Variants in GFPT2 observed in about 807,000 individuals in gnomAD.
GFPT2 encodes the protein glutamine--fructose-6-phosphate transaminase 2.
A neutral mutation model predicts 85.6 loss-of-function variants in GFPT2; 62 were observed. The ratio of observed to expected loss-of-function variants is 0.72; its 90% CI spans 0.59 to 0.90. GFPT2 has a LOEUF of 0.90. Among genes scored for constraint, GFPT2 ranks in the 40% least tolerant of loss-of-function variants. The pLI, the probability that GFPT2 is intolerant of heterozygous loss-of-function variation, is 0.00. For missense variants in GFPT2, 788 were observed against 893.4 expected (o/e 0.88, Z 1.50); for synonymous variants, 368 against 344.5 (o/e 1.07, Z -0.75).
chr5:180,352,914 G>A (rs1018110170), intron 1 of GFPT2: 4 of 450,536 alleles, frequency 8.9e-6, no homozygotes, highest in South Asian at 6.5e-5. Flanking sequence ...GGTCCAGGCC[G>A]GACCGGACCA....
chr5:180,350,624 A>C (rs1037565403), intron 1 of GFPT2, among the ~76,000 whole-genome samples: 1 of 152,218 alleles, frequency 6.6e-6, no homozygotes, highest in African/African-American at 2.4e-5. Context: ...ATGAAAAAGG[A>C]AGCAGAGAAG....
intron 15 of GFPT2, among the ~76,000 whole-genome samples, chr5:180,308,747 G>A (rs1166977518): frequency 6.6e-6 from 1 of 152,162 alleles, no homozygotes; most frequent in Non-Finnish European, 1.5e-5. Flanking sequence ...ATTTACAAGT[G>A]CATAACTCTG....
chr5:180,329,106 T>G (rs1177448544), intron 6 of GFPT2, among the ~76,000 whole-genome samples: 1 of 152,196 alleles, frequency 6.6e-6, no homozygotes, highest in Non-Finnish European at 1.5e-5. Flanking sequence ...TGTACTAACT[T>G]ACCGCAACCC....
At chr5:180,314,042 G>A (rs1385289590) in intron 13 of GFPT2, 78 bp from the exon 14 acceptor site, 4 of 1,392,160 alleles carry the variant, frequency 2.9e-6, no homozygotes, top group Admixed American at 2.6e-5. Flanking sequence ...CTTCACCGCC[G>A]GCTCTTACAG....
chr5:180,330,583 G>T lies in GFPT2; in HGVS notation c.534+117C>A. On this transcript the variant is annotated intron_variant, in intron 6 of 18. Transcript: ENST00000253778. The surrounding 1 kb of genome is among the most constrained non-coding windows in gnomAD (Gnocchi z 4.4). ...CTTTTATCCCCAGGACTCTGTGCAA[G>T]TTTGTCTAACAAGGGCTTATAAAAA... is the stretch of plus-strand genomic sequence containing the variant. 1 of 821,332 alleles carries T rather than the reference G, an allele frequency of 1.2e-6. No homozygotes were observed. Among genetic ancestry groups the T allele is most frequent in the Non-Finnish European group, 2.0e-6 (1 of 503,140 alleles). 50.9% of individuals were successfully genotyped at this position (821,332 alleles called of 1,614,324 possible).
At chr5:180,334,465 G>A (rs951352820) in intron 4 of GFPT2, among the ~76,000 whole-genome samples, 3 of 152,236 alleles carry the variant, frequency 2.0e-5, no homozygotes, top group African/African-American at 4.8e-5. Flanking sequence ...ACACCAAGCA[G>A]GCTGGTGCTG....
intron 9 of GFPT2, among the ~76,000 whole-genome samples, chr5:180,322,234 G>A (rs1056595599): frequency 6.6e-6 from 1 of 151,690 alleles, no homozygotes; most frequent in Non-Finnish European, 1.5e-5. Flanking sequence ...GAGGCAGGAG[G>A]ATCCCTTGAG....
chr5:180,313,463 G>T (rs1329099962), intron 14 of GFPT2, among the ~76,000 whole-genome samples: 1 of 141,138 alleles, frequency 7.1e-6, no homozygotes, highest in Non-Finnish European at 1.6e-5. Flanking sequence ...TGGGGCGGGT[G>T]CCTGTAGTCC....
intron 15 of GFPT2, among the ~76,000 whole-genome samples, chr5:180,309,934 C>G (rs1441695143): frequency 6.6e-6 from 1 of 151,776 alleles, no homozygotes; most frequent in Non-Finnish European, 1.5e-5. Context: ...CCTCAGCCCC[C>G]CGAGTAGCTG....
intron 2 of GFPT2, 93 bp from the exon 3 acceptor site, chr5:180,336,670 G>A (rs568168321): frequency 1.8e-5 from 15 of 836,638 alleles, no homozygotes; most frequent in South Asian, 8.1e-5. Flanking sequence ...TGCATGCCCC[G>A]GGCTGTCCGT....
intron 13 of GFPT2, 53 bp from the exon 14 acceptor site, chr5:180,314,017 C>G: frequency 6.6e-7 from 1 of 1,508,824 alleles, no homozygotes. Flanking sequence ...CGGCCCCACC[C>G]CAAACCCCTT....
chr5:180,346,219 T>C (rs1381481954), intron 1 of GFPT2, among the ~76,000 whole-genome samples: 1 of 152,074 alleles, frequency 6.6e-6, no homozygotes, highest in African/African-American at 2.4e-5. Flanking sequence ...TGCCAAAGAC[T>C]TGAGGAATTC....
At chr5:180,342,511 G>A (rs543692143) in intron 1 of GFPT2, among the ~76,000 whole-genome samples, 1 of 145,888 alleles carries the variant, frequency 6.9e-6, no homozygotes, top group South Asian at 2.2e-4. Flanking sequence ...CCAGGCCCAA[G>A]CTATCCCCAC....
At chr5:180,334,976 G>C (rs1466339150) in intron 4 of GFPT2, among the ~76,000 whole-genome samples, 2 of 152,314 alleles carry the variant, frequency 1.3e-5, no homozygotes, top group Non-Finnish European at 2.9e-5. Flanking sequence ...TCATTTAAGA[G>C]AATCACGCGT....
At chr5:180,315,587 G>T (rs1467487984) in intron 13 of GFPT2, among the ~76,000 whole-genome samples, 2 of 152,186 alleles carry the variant, frequency 1.3e-5, no homozygotes, top group East Asian at 3.8e-4. Flanking sequence ...GAGACGAGGG[G>T]TTAATATGAG....
chr5:180,330,567 C>A lies in GFPT2; in HGVS notation c.534+133G>T. The stretch of plus-strand genomic sequence containing the variant: ...TCTGCAGATGGGCTGTCTTTTATCC[C>A]CAGGACTCTGTGCAAGTTTGTCTAA... On this transcript the variant is annotated intron_variant, in intron 6 of 18. Coordinates refer to ENST00000253778, the MANE Select transcript of GFPT2 (RefSeq NM_005110.4). The surrounding 1 kb of genome is among the most constrained non-coding windows in gnomAD (Gnocchi z 4.4). 3 of 699,398 alleles carry A rather than the reference C, an allele frequency of 4.3e-6. No individual in the cohort carries two copies. The highest frequency in any genetic ancestry group is 5.4e-5 in the East Asian group (2 of 37,264). 43.3% of individuals were successfully genotyped at this position (699,398 alleles called of 1,614,324 possible). A position where few individuals can be genotyped will look rare whatever the true frequency, so the allele number is the denominator to read the frequency against.
chr5:180,327,940 A>G (rs969980884), intron 7 of GFPT2, among the ~76,000 whole-genome samples: 2 of 152,192 alleles, frequency 1.3e-5, no homozygotes, highest in Admixed American at 1.3e-4. Flanking sequence ...AGGGGGGCCC[A>G]CATTGTACAG....
Position 180,316,404 on chromosome 5 carries a change from C to A in GFPT2, c.1210G>T (p.Asp404Tyr), listed in dbSNP as rs773062644. ...ACAGGTGTGTTCCTGTCCAGAAAAT[C>A]ACTAGCAAGTTCAACCATCACAGGA... ...ELPVMVELAS[D>Y]FLDRNTPVFR... Residue 404 changes from aspartate to tyrosine, a missense_variant, in exon 13 of 19, where the codon GAT becomes TAT. Asp to Tyr is a radical substitution (Grantham distance 160). Coordinates refer to ENST00000253778, the MANE Select transcript of GFPT2 (RefSeq NM_005110.4). The A allele has an allele frequency of 6.2e-7, 1 of 1,614,024 alleles. No individual in the cohort carries two copies. The highest frequency in any genetic ancestry group is 1.7e-5 in the Admixed American group (1 of 60,028).
intron 5 of GFPT2, 141 bp downstream of exon 5, chr5:180,331,354 T>C (rs1403959339): frequency 6.3e-6 from 4 of 633,176 alleles, no homozygotes; most frequent in Non-Finnish European, 8.5e-6. Flanking sequence ...GGCAGAGGTT[T>C]CTTCTCAACA....
Sources: allele counts gnomAD v4.1 joint callset (sites outside exome capture counted in the v4.1 genomes callset), GRCh38; gene constraint gnomAD v4.1.1; non-coding constraint Gnocchi (gnomAD v3.1); transcripts MANE v1.5; gene names NCBI Gene and HGNC (gene_info 2026-07-23, HGNC 2026-07-21).